SND1: variants seen among roughly 807,000 people sequenced by gnomAD.
SND1 encodes staphylococcal nuclease domain-containing protein 1.
Under a neutral mutation model 121.7 loss-of-function variants are expected in SND1, and 38 were observed. The ratio of observed to expected loss-of-function variants is 0.31; its 90% CI spans 0.24 to 0.41. The LOEUF (loss-of-function observed/expected upper bound fraction) is 0.41. SND1 is among the 10% of genes least tolerant of loss of function. The pLI, the probability that SND1 is intolerant of heterozygous loss-of-function variation, is 1.00. For missense variants in SND1, 868 were observed against 1,184.6 expected (o/e 0.73, Z 3.92); for synonymous variants, 401 against 447.4 (o/e 0.90, Z 1.31).
chr7:127,765,766 C>T (rs746727856), intron 10 of SND1, among the ~76,000 whole-genome samples: 17 of 152,262 alleles, frequency 1.1e-4, no homozygotes, highest in South Asian at 2.1e-4. Context: ...CATTGTGTAA[C>T]CATCAATTGA....
chr7:128,050,423 C>G (rs1160980372), intron 16 of SND1, among the ~76,000 whole-genome samples: 1 of 152,224 alleles, frequency 6.6e-6, no homozygotes, highest in Non-Finnish European at 1.5e-5. Flanking sequence ...GAGTCTGATA[C>G]TGAGAAAAGA....
chr7:128,090,923 G>T (rs1416369281), intron 22 of SND1, among the ~76,000 whole-genome samples: 1 of 152,050 alleles, frequency 6.6e-6, no homozygotes, highest in Admixed American at 6.5e-5. Flanking sequence ...ATATGAAACT[G>T]CCCATAATGC....
intron 11 of SND1, among the ~76,000 whole-genome samples, chr7:127,827,612 A>G (rs1458547816): frequency 6.6e-6 from 1 of 152,156 alleles, no homozygotes; most frequent in African/African-American, 2.4e-5. Flanking sequence ...TTATCATTGG[A>G]TATTACTTAA....
chr7:127,931,563 C>T (rs988910020), intron 15 of SND1, among the ~76,000 whole-genome samples: 4 of 152,218 alleles, frequency 2.6e-5, no homozygotes, highest in African/African-American at 9.7e-5. Flanking sequence ...AAGGTGGCTA[C>T]ACCAAACACC....
At chr7:127,715,354 CG>C (rs1394540094) in intron 9 of SND1, among the ~76,000 whole-genome samples, 1 of 152,004 alleles carries the variant, frequency 6.6e-6, no homozygotes, top group African/African-American at 2.4e-5. Flanking sequence ...CTTTTAGATT[CG>C]GGGATACATA....
At chr7:127,839,411 G>T (rs2116638781) in intron 11 of SND1, among the ~76,000 whole-genome samples, 1 of 152,234 alleles carries the variant, frequency 6.6e-6, no homozygotes, top group Admixed American at 6.5e-5. Context: ...GCTACAACCT[G>T]GAAATGTGGC....
At chr7:127,688,329 A>G (rs1440576965) in intron 2 of SND1, among the ~76,000 whole-genome samples, 5 of 151,920 alleles carry the variant, frequency 3.3e-5, no homozygotes, top group Admixed American at 2.0e-4. Flanking sequence ...ATGTGTACCA[A>G]TTTGGCATTG....
intron 11 of SND1, among the ~76,000 whole-genome samples, chr7:127,808,165 T>TC (rs1382865849): frequency 2.3e-5 from 3 of 131,266 alleles, no homozygotes; most frequent in African/African-American, 3.6e-5. Flanking sequence ...GATGGCTTCT[T>TC]TTTTTTTTTT....
intron 2 of SND1, among the ~76,000 whole-genome samples, chr7:127,692,037 G>A (rs763070753): frequency 5.3e-5 from 8 of 152,132 alleles, no homozygotes; most frequent in Non-Finnish European, 1.2e-4. Flanking sequence ...GGGGAAAGAC[G>A]GCAGAGCAGG....
intron 17 of SND1, among the ~76,000 whole-genome samples, chr7:128,076,456 C>T (rs1014522081): frequency 2.0e-5 from 3 of 152,350 alleles, no homozygotes; most frequent in South Asian, 2.1e-4. Context: ...CCAGTCTGCT[C>T]GTCAAGGATC....
chr7:127,748,065 T>A (rs1457955457), intron 10 of SND1, among the ~76,000 whole-genome samples: 1 of 152,238 alleles, frequency 6.6e-6, no homozygotes, highest in African/African-American at 2.4e-5. Context: ...ACTGGCCAAG[T>A]CAGTGTTCAC....
chr7:127,789,598 C>T (rs1033356024), intron 10 of SND1, among the ~76,000 whole-genome samples: 10 of 152,176 alleles, frequency 6.6e-5, no homozygotes, highest in Non-Finnish European at 1.2e-4. Flanking sequence ...GCAAAAGACA[C>T]GTGTCTGCTT....
chr7:127,908,320 G>GTA (rs1460975970), intron 14 of SND1, among the ~76,000 whole-genome samples: 3 of 7,664 alleles, frequency 3.9e-4, no homozygotes, highest in Non-Finnish European at 1.1e-3. Flanking sequence ...AATAATAAAT[G>GTA]TGTGTGTGTG....
chr7:128,058,599 T>C (rs1793180447), intron 16 of SND1, among the ~76,000 whole-genome samples: 1 of 152,226 alleles, frequency 6.6e-6, no homozygotes, highest in East Asian at 1.9e-4. Flanking sequence ...TGCTTCTCTT[T>C]TATGCAGAGA....
At chr7:127,813,831 G>A (rs565514511) in intron 11 of SND1, among the ~76,000 whole-genome samples, 146 of 152,246 alleles carry the variant, frequency 9.6e-4, no homozygotes, top group Non-Finnish European at 1.7e-3. Context: ...CCAAAGTGCT[G>A]GGATTACAGG....
chr7:128,087,573 TTA>T (rs1793707210), intron 21 of SND1, among the ~76,000 whole-genome samples: 1 of 152,124 alleles, frequency 6.6e-6, no homozygotes, highest in Non-Finnish European at 1.5e-5. Context: ...GCTGGGTTTC[TTA>T]TGTGTGGATG....
At chr7:127,747,944 A>T (rs555086847) in intron 10 of SND1, among the ~76,000 whole-genome samples, 1 of 152,182 alleles carries the variant, frequency 6.6e-6, no homozygotes, top group Non-Finnish European at 1.5e-5. Context: ...ATGATGGCTC[A>T]AATGTAGTCA....
At chr7:128,073,314 A>G (rs1042279510) in intron 16 of SND1, among the ~76,000 whole-genome samples, 1 of 152,194 alleles carries the variant, frequency 6.6e-6, no homozygotes, top group Admixed American at 6.5e-5. Context: ...ATCCCCTTCT[A>G]TACCACACTC....
chr7:127,669,046 G>A (rs538176439), intron 1 of SND1, among the ~76,000 whole-genome samples: 1 of 152,216 alleles, frequency 6.6e-6, no homozygotes, highest in South Asian at 2.1e-4. Context: ...AGGCTGGAGT[G>A]CAGTGGCTTA....
Sources: allele counts gnomAD v4.1 joint callset (sites outside exome capture counted in the v4.1 genomes callset), GRCh38; gene constraint gnomAD v4.1.1; transcripts MANE v1.5; gene names NCBI Gene and HGNC (gene_info 2026-07-23, HGNC 2026-07-21).